The following EFCAB8 variants were observed in gnomAD, a reference collection of about 807,000 sequenced individuals.
EFCAB8 encodes the protein EF-hand calcium-binding domain-containing protein 8.
Under a neutral mutation model 116.3 loss-of-function variants are expected in EFCAB8, and 100 were observed. That is an observed-to-expected ratio of 0.86 (90% CI 0.73 to 1.02). EFCAB8 has a LOEUF of 1.02. Ranked by LOEUF, EFCAB8 falls within the 50% of genes least tolerant of loss-of-function variation. The pLI, the probability that EFCAB8 is intolerant of heterozygous loss-of-function variation, is 0.00. For synonymous variants in EFCAB8, 558 were observed against 567.9 expected, an observed-to-expected ratio of 0.98 and a Z score of 0.25; for missense variants, 1,320 against 1,416.9, an observed-to-expected ratio of 0.93 and a Z score of 1.10.
chr20:32,894,822 G>A (rs1027449608), intron 9 of EFCAB8, among the ~76,000 whole-genome samples: 3 of 152,232 alleles, frequency 2.0e-5, no homozygotes. Context: ...CAGCCTAGTA[G>A]GAGAGACAGG....
chr20:32,928,246 T>TA (rs35366149), intron 20 of EFCAB8, among the ~76,000 whole-genome samples: 34,496 of 151,728 alleles, frequency 0.23, 4,360 homozygotes, highest in Middle Eastern at 0.32. Context: ...TTTTATTTTT[T>TA]TTTTTTTGAG....
chr20:32,956,581 C>A (rs1441497472), intron 23 of EFCAB8, among the ~76,000 whole-genome samples: 1 of 152,032 alleles, frequency 6.6e-6, no homozygotes, highest in East Asian at 1.9e-4. Context: ...CTGGCAGTTT[C>A]TTTTCTTTCA....
chr20:32,913,883 C>A (rs1313329532), intron 17 of EFCAB8, among the ~76,000 whole-genome samples: 1 of 152,258 alleles, frequency 6.6e-6, no homozygotes, highest in African/African-American at 2.4e-5. Context: ...CTGCCCTGCC[C>A]TTCAGGCCTG....
chr20:32,929,093 A>G (rs939746637), intron 20 of EFCAB8, among the ~76,000 whole-genome samples: 4 of 151,258 alleles, frequency 2.6e-5, no homozygotes, highest in Non-Finnish European at 4.4e-5. Context: ...AATTTTTTTG[A>G]TAATTTTTAA....
chr20:32,896,354 C>A, intron 9 of EFCAB8, 100 bp from the exon 10 acceptor site: 2 of 673,110 alleles, frequency 3.0e-6, no homozygotes, highest in Non-Finnish European at 2.7e-6. Flanking sequence ...TTTTGAGAAG[C>A]ACAGGAGTTG....
intron 22 of EFCAB8, 143 bp from the exon 23 acceptor site, chr20:32,943,493 G>A (rs182777825): frequency 1.9e-5 from 8 of 413,814 alleles, no homozygotes; most frequent in East Asian, 1.1e-4. Flanking sequence ...GCAAGTTCAT[G>A]TGGAATGCAT....
At chr20:32,871,113 A>G (rs1984662557) in intron 3 of EFCAB8, among the ~76,000 whole-genome samples, 1 of 151,818 alleles carries the variant, frequency 6.6e-6, no homozygotes, top group African/African-American at 2.4e-5. Flanking sequence ...TCGCCTCCCA[A>G]AGTTCTGGGA....
At chr20:32,954,748 A>G (rs768385971) in intron 23 of EFCAB8, among the ~76,000 whole-genome samples, 3 of 152,216 alleles carry the variant, frequency 2.0e-5, no homozygotes, top group Non-Finnish European at 2.9e-5. Flanking sequence ...AAAATCATAA[A>G]TAGGTGTTGA....
intron 17 of EFCAB8, 111 bp from the exon 18 acceptor site, chr20:32,917,190 G>A: frequency 7.3e-6 from 6 of 817,102 alleles, no homozygotes; most frequent in Non-Finnish European, 1.2e-5. Context: ...ACACCTGAGA[G>A]TATCCTCCTC....
At chr20:32,899,384 G>A (rs1349999465) in intron 11 of EFCAB8, among the ~76,000 whole-genome samples, 2 of 132,752 alleles carry the variant, frequency 1.5e-5, no homozygotes, top group Non-Finnish European at 3.1e-5. Context: ...CAGCCTGGGG[G>A]ACACAGTGAG....
intron 5 of EFCAB8, among the ~76,000 whole-genome samples, chr20:32,880,226 G>C (rs1985254603): frequency 6.6e-6 from 1 of 152,058 alleles, no homozygotes; most frequent in Admixed American, 6.6e-5. Context: ...AGGCAGCCTG[G>C]GGTTTAATAG....
In EFCAB8 at chr20:32,943,785, A is replaced by G. The variant is rs1374006338; in HGVS notation, c.2940A>G (p.Lys980=). The G allele has an allele frequency of 2.4e-6, 1 of 413,440 alleles. No homozygotes were observed. Among genetic ancestry groups the G allele is most frequent in the Admixed American group, 4.5e-5 (1 of 22,374 alleles). The allele number at this position is 413,440 out of a possible 1,614,324, so 25.6% of individuals were successfully genotyped here. ...AGQDRDVKAW[K]LSGDAIGTFG... Reference sequence around the variant, plus strand: ...AGGACCGGGACGTCAAGGCTTGGAAACTCTCCGGTGATGCCATTGGTATGG... The same window carrying G: ...AGGACCGGGACGTCAAGGCTTGGAAGCTCTCCGGTGATGCCATTGGTATGG... The change falls in exon 23 of 27, where the codon AAA becomes AAG. Residue 980 remains lysine (K), a synonymous_variant. Transcript: ENST00000400522.
intron 2 of EFCAB8, among the ~76,000 whole-genome samples, chr20:32,865,455 G>A (rs759436682): frequency 1.3e-5 from 2 of 152,076 alleles, no homozygotes; most frequent in East Asian, 1.9e-4. Flanking sequence ...GCTACACTCC[G>A]GAGTTGGGGT....
rs1317776588 is a variant in EFCAB8, at chr20:32,940,977, G to A, written c.2791-2659G>A. ...TGGATAGAATGTAGAAAGCTGGCCA[G>A]GTACGGTGGCTCAGGCCTGTAATCC... On this transcript the variant is annotated intron_variant, in intron 22 of 26. Coordinates refer to ENST00000400522, the MANE Select transcript of EFCAB8 (RefSeq NM_001143967.2). Among the ~76,000 whole-genome samples the A allele has an allele frequency of 3.3e-5, 5 of 149,878 alleles. 1 individual carries two copies. Among genetic ancestry groups the A allele is most frequent in the African/African-American group, 9.9e-5 (4 of 40,398 alleles).
intron 2 of EFCAB8, among the ~76,000 whole-genome samples, chr20:32,865,659 C>T (rs548487819): frequency 1.3e-5 from 2 of 151,774 alleles, no homozygotes; most frequent in Admixed American, 1.3e-4. Flanking sequence ...ATTAGCCAGG[C>T]GTGGTGACTC....
rs973346989 is a variant in EFCAB8 at position 32,878,742 on chromosome 20, A to C, written c.366A>C (p.Gly122=). The C allele has an allele frequency of 3.2e-6, 5 of 1,551,634 alleles. No individual in the cohort carries two copies. In the African/African-American group the frequency reaches 5.5e-5, roughly 17 times the overall value. ...YVDYMMREFQ[G]KEDMRKSQYR... is the part of the protein sequence containing the mutation. ...ATTACATGATGCGTGAGTTCCAGGG[A>C]AAAGAGGACATGCGAAAGAGCCAGT... Residue 122 remains glycine (G), a synonymous_variant, in exon 5 of 27, where the codon GGA becomes GGC. Transcript: ENST00000400522.
chr20:32,909,514 C>T (rs1039405513), intron 14 of EFCAB8, among the ~76,000 whole-genome samples: 3 of 152,028 alleles, frequency 2.0e-5, no homozygotes, highest in Admixed American at 6.6e-5. Context: ...GAGGGCTTCC[C>T]GGAGGGAACA....
intron 7 of EFCAB8, among the ~76,000 whole-genome samples, chr20:32,890,592 G>A (rs1432899796): frequency 1.3e-5 from 2 of 152,238 alleles, no homozygotes; most frequent in East Asian, 3.8e-4. Context: ...GATGAATGAG[G>A]CCTCTGACTG....
rs1987860252 is a variant in EFCAB8, at chr20:32,930,544, TGTC to T, written c.2562_2564del (p.Val855del). On this transcript the variant is annotated inframe_deletion, in exon 21 of 27. Coordinates refer to ENST00000400522, the MANE Select transcript of EFCAB8 (RefSeq NM_001143967.2). ...CTGTGGACCTAGACAATGGGGATGT[TGTC>T]GTGGGTGCCATGGCCACTGATAAAA... is the stretch of plus-strand genomic sequence containing the variant. The T allele has an allele frequency of 6.4e-7, 1 of 1,552,172 alleles. No individual in the cohort carries two copies. The highest frequency in any genetic ancestry group is 1.2e-5 in the South Asian group (1 of 84,062).
Sources: allele counts gnomAD v4.1 joint callset (sites outside exome capture counted in the v4.1 genomes callset), GRCh38; gene constraint gnomAD v4.1.1; transcripts MANE v1.5; gene names NCBI Gene and HGNC (gene_info 2026-07-23, HGNC 2026-07-21).